SEMA3D: variants seen among roughly 807,000 people sequenced by gnomAD.
SEMA3D encodes the protein semaphorin 3D.
Under a neutral mutation model 100.1 loss-of-function variants are expected in SEMA3D, and 84 were observed. The ratio of observed to expected loss-of-function variants is 0.84; its 90% CI spans 0.70 to 1.01. The LOEUF (loss-of-function observed/expected upper bound fraction) is 1.01. SEMA3D is among the 50% of genes least tolerant of loss of function. The pLI, the probability that SEMA3D is intolerant of heterozygous loss-of-function variation, is 0.00. For missense variants in SEMA3D, 875 were observed against 934.1 expected, an observed-to-expected ratio of 0.94 and a Z score of 0.82; for synonymous variants, 312 against 320.7, an observed-to-expected ratio of 0.97 and a Z score of 0.29.
At position 85,123,046 on chromosome 7, in the gene SEMA3D, G is replaced by C. The variant is rs563720417; in HGVS notation, c.-40-1115C>G. ...AATTTAAAAACAGCCATTAAGGGTG[G>C]GTAATTATTTATCTCACTTCACCGA... On this transcript the variant is annotated intron_variant, in intron 2 of 18. Transcript: ENST00000284136. 1.2e-4 allele frequency among the ~76,000 whole-genome samples: 18 copies of C among 152,114 alleles called. No individual in the cohort carries two copies. In the East Asian group the frequency reaches 3.5e-3, roughly 29 times the overall value.
At chr7:85,199,287 T>G in the SEMA3D span, among the ~76,000 whole-genome samples, 168 of 151,316 alleles carry the variant, frequency 1.1e-3, 4 homozygotes, top group East Asian at 0.031. Flanking sequence ...CATAAGATTA[T>G]GTTGCTTAAG....
At chr7:85,038,604 A>G (rs1790768203) in intron 11 of SEMA3D, among the ~76,000 whole-genome samples, 1 of 152,176 alleles carries the variant, frequency 6.6e-6, no homozygotes, top group African/African-American at 2.4e-5. Flanking sequence ...AGGAGAAAAA[A>G]ACGAACTATC....
Position 85,049,098 on chromosome 7 carries a change from C to T in SEMA3D, c.861+6619G>A, listed in dbSNP as rs573965198. On this transcript the variant is annotated intron_variant, in intron 9 of 18. Coordinates refer to ENST00000284136, the MANE Select transcript of SEMA3D (RefSeq NM_001384900.1). ...AACATAGAGTCCTTTACCTCACCTA[C>T]TAATAATCTTGAAATACTTTAGATG... is the stretch of plus-strand genomic sequence containing the variant. 4.6e-5 allele frequency among the ~76,000 whole-genome samples: 7 copies of T among 151,558 alleles called. No individual in the cohort carries two copies. The East Asian group carries it at 1.2e-3, about 25-fold the overall frequency.
chr7:85,217,535 T>A, the SEMA3D span, among the ~76,000 whole-genome samples: 3 of 152,046 alleles, frequency 2.0e-5, no homozygotes, highest in East Asian at 5.8e-4. Context: ...TGAAGAAAAG[T>A]TGGCATCATA....
At chr7:85,120,134 A>G (rs192062441) in intron 3 of SEMA3D, among the ~76,000 whole-genome samples, 1 of 152,212 alleles carries the variant, frequency 6.6e-6, no homozygotes, top group East Asian at 1.9e-4. Context: ...CTATTGCTCA[A>G]TATCTAAAAA....
At chr7:85,062,233 C>T (rs1189953825) in intron 8 of SEMA3D, among the ~76,000 whole-genome samples, 3 of 152,136 alleles carry the variant, frequency 2.0e-5, no homozygotes, top group African/African-American at 7.2e-5. Context: ...AGGTTTATAA[C>T]AGTCAATAAA....
At chr7:85,108,278 AACT>A (rs1223995958) in intron 3 of SEMA3D, among the ~76,000 whole-genome samples, 2 of 152,074 alleles carry the variant, frequency 1.3e-5, no homozygotes, top group African/African-American at 2.4e-5. Context: ...CAGTATTTTA[AACT>A]ACTGATTTTT....
At chr7:85,140,505 A>G in intron 2 of SEMA3D, 1 of 984,006 alleles carries the variant, frequency 1.0e-6, no homozygotes, top group Non-Finnish European at 1.2e-6. Context: ...AGAAAAATTG[A>G]GACACTGTTG....
chr7:85,047,613 C>T (rs1024927757), intron 9 of SEMA3D, among the ~76,000 whole-genome samples: 1 of 151,792 alleles, frequency 6.6e-6, no homozygotes, highest in African/African-American at 2.4e-5. Context: ...CTCCTATGCT[C>T]TTAAATCCTG....
chr7:85,133,944 C>T lies in SEMA3D; in HGVS notation c.-40-12013G>A, dbSNP rs1221455089. On this transcript the variant is annotated intron_variant, in intron 2 of 18. Coordinates refer to ENST00000284136, the MANE Select transcript of SEMA3D (RefSeq NM_001384900.1). ...CTAAAGATAGTAAGTAAATATGAAA[C>T]TTAAAAGGAAGTCTGGAAACTCCCA... Among the ~76,000 whole-genome samples, 4 of 151,880 alleles carry T rather than the reference C, an allele frequency of 2.6e-5. No individual in the cohort carries two copies. In the Admixed American group the frequency reaches 2.6e-4, roughly 10 times the overall value.
At chr7:85,209,241 A>G in the SEMA3D span, among the ~76,000 whole-genome samples, 1 of 151,984 alleles carries the variant, frequency 6.6e-6, no homozygotes, top group Admixed American at 6.6e-5. Flanking sequence ...AGAATTTTCA[A>G]ATATATATAC....
intron 1 of SEMA3D, among the ~76,000 whole-genome samples, chr7:85,178,816 T>C (rs1791314676): frequency 6.6e-6 from 1 of 152,190 alleles, no homozygotes; most frequent in South Asian, 2.1e-4. Flanking sequence ...GTCACAGGCC[T>C]GGAGGCCTAG....
chr7:85,172,100 A>G (rs1791101417), intron 1 of SEMA3D, among the ~76,000 whole-genome samples: 1 of 152,010 alleles, frequency 6.6e-6, no homozygotes, highest in African/African-American at 2.4e-5. Context: ...ATTTTACAGC[A>G]ATTTATCTGC....
At chr7:85,051,971 C>T (rs1433013588) in intron 9 of SEMA3D, among the ~76,000 whole-genome samples, 1 of 151,730 alleles carries the variant, frequency 6.6e-6, no homozygotes, top group Non-Finnish European at 1.5e-5. Context: ...ATCTACATGG[C>T]GATTGTATTG....
At chr7:85,074,901 T>G (rs1199571376) in intron 5 of SEMA3D, among the ~76,000 whole-genome samples, 1 of 152,112 alleles carries the variant, frequency 6.6e-6, no homozygotes, top group Non-Finnish European at 1.5e-5. Context: ...ATTACAGGCA[T>G]GAGCCACCAT....
chr7:85,078,211 TG>T (rs1333248628), intron 5 of SEMA3D, among the ~76,000 whole-genome samples: 2 of 152,148 alleles, frequency 1.3e-5, no homozygotes, highest in African/African-American at 4.8e-5. Flanking sequence ...TTTCTTTTTT[TG>T]CTTGTATATA....
chr7:85,132,695 A>T (rs1394345952), intron 2 of SEMA3D, among the ~76,000 whole-genome samples: 1 of 151,980 alleles, frequency 6.6e-6, no homozygotes. Flanking sequence ...TCCAAATAAC[A>T]TAATAAAATG....
intron 7 of SEMA3D, among the ~76,000 whole-genome samples, chr7:85,066,441 A>G (rs1351490242): frequency 6.6e-6 from 1 of 151,788 alleles, no homozygotes; most frequent in Non-Finnish European, 1.5e-5. Flanking sequence ...GGGGAGTGAG[A>G]AAAACATAAG....
the SEMA3D span, among the ~76,000 whole-genome samples, chr7:85,239,455 C>A: frequency 1.3e-5 from 2 of 152,174 alleles, no homozygotes; most frequent in African/African-American, 2.4e-5. Context: ...GACCTCCCAG[C>A]TTCCAAAATG....
Sources: gnomAD v4.1 joint callset for allele counts (sites outside exome capture counted in the v4.1 genomes callset) on GRCh38, gnomAD v4.1.1 for gene constraint, MANE v1.5 for transcripts, NCBI Gene and HGNC (gene_info 2026-07-23, HGNC 2026-07-21) for gene names.